The following ARHGEF6 variants were observed in gnomAD, a reference collection of about 807,000 sequenced individuals.
ARHGEF6 encodes Rac/Cdc42 guanine nucleotide exchange factor 6.
In ARHGEF6, 9 loss-of-function variants were observed where a neutral mutation model predicts 70.3. The observed-to-expected ratio is 0.13, with a 90% CI of 0.08 to 0.22. ARHGEF6 has a LOEUF of 0.22. Among genes scored for constraint, ARHGEF6 ranks in the 10% least tolerant of loss-of-function variants. ARHGEF6 has a pLI of 1.00. For missense variants in ARHGEF6, 470 were observed against 563.0 expected, an observed-to-expected ratio of 0.83 and a Z score of 1.67; for synonymous variants, 201 against 207.8, an observed-to-expected ratio of 0.97 and a Z score of 0.28.
chrX:136,700,871 A>G (rs998705883), intron 9 of ARHGEF6, among the ~76,000 whole-genome samples: 4 of 112,551 alleles, frequency 3.6e-5, no homozygotes, highest in African/African-American at 1.3e-4. Context: ...AAAGGTTCTA[A>G]CAGATAAAGA....
intron 6 of ARHGEF6, among the ~76,000 whole-genome samples, chrX:136,721,372 C>T (rs1055556003): frequency 6.3e-5 from 7 of 111,024 alleles, no homozygotes; most frequent in East Asian, 2.8e-4. Flanking sequence ...AGACCAGCCT[C>T]GGCAACATGG....
intron 6 of ARHGEF6, among the ~76,000 whole-genome samples, chrX:136,724,003 G>A (rs1361066965): frequency 1.8e-5 from 2 of 110,337 alleles, no homozygotes; most frequent in African/African-American, 6.6e-5. Context: ...AAAAGGATAG[G>A]GCCCTTTTAT....
chrX:136,773,034 C>T (rs1036778445), intron 2 of ARHGEF6, among the ~76,000 whole-genome samples: 17 of 111,405 alleles, frequency 1.5e-4, no homozygotes, highest in African/African-American at 5.6e-4. Context: ...CATATGAGAA[C>T]ACACAGATGG....
intron 2 of ARHGEF6, among the ~76,000 whole-genome samples, chrX:136,753,822 G>C (rs1364024707): frequency 8.9e-6 from 1 of 111,963 alleles, no homozygotes; most frequent in Non-Finnish European, 1.9e-5. Context: ...TTTTCAAAAT[G>C]TCATTTTTAA....
At position 136,780,769 on chromosome X, in the gene ARHGEF6, C is replaced by A. The variant is rs1400208560; in HGVS notation, c.114G>T (p.Gly38=). The A allele has an allele frequency of 8.3e-7, 1 of 1,211,006 alleles. No individual in the cohort carries two copies. The highest frequency in any genetic ancestry group is 2.2e-5 in the Admixed American group (1 of 45,932). ...TGTTGATCAGTTTGCACAGAACTAC[C>A]CCATTTTTCAGCGAGGACTTTAAAA... ...EEFLKSSLKN[G]VVLCKLINRL... is the part of the protein sequence containing the mutation. Residue 38 remains glycine, a synonymous_variant, in exon 1 of 22, where the codon GGG becomes GGT. Coordinates refer to ENST00000250617, the MANE Select transcript of ARHGEF6 (RefSeq NM_004840.3).
intron 19 of ARHGEF6, among the ~76,000 whole-genome samples, chrX:136,672,415 C>A (rs745809699): frequency 9.0e-6 from 1 of 111,637 alleles, no homozygotes; most frequent in African/African-American, 3.3e-5. Context: ...GACCTCCATT[C>A]TTTCCTGTTT....
rs558011252 is a variant in ARHGEF6 at position 136,669,455 on chromosome X, C to T, written c.2190+27G>A. On this transcript the variant is annotated intron_variant, in intron 21 of 21. Coordinates refer to ENST00000250617, the MANE Select transcript of ARHGEF6 (RefSeq NM_004840.3). Reference sequence around the variant, plus strand: ...AGAAAAAGAGAATGGTTCTATTACCCGAGAAAATGATTTTATATTTTATTA... The same window carrying T: ...AGAAAAAGAGAATGGTTCTATTACCTGAGAAAATGATTTTATATTTTATTA... The T allele has an allele frequency of 1.5e-5, 18 of 1,190,127 alleles. No homozygotes were observed. The South Asian group carries it at 2.1e-4, about 14-fold the overall frequency.
intron 20 of ARHGEF6, 44 bp from the exon 21 acceptor site, chrX:136,669,580 A>C (rs1272062509): frequency 9.5e-7 from 1 of 1,055,669 alleles, no homozygotes; most frequent in Admixed American, 2.2e-5. Context: ...GCTTGCACTG[A>C]GGTACTGTTA....
intron 6 of ARHGEF6, among the ~76,000 whole-genome samples, chrX:136,715,382 T>G (rs1366597576): frequency 9.0e-6 from 1 of 110,869 alleles, no homozygotes; most frequent in Admixed American, 9.6e-5. Flanking sequence ...ATGCCTATTT[T>G]AAAAAAGAAA....
chrX:136,739,779 T>G (rs2077024157), intron 5 of ARHGEF6, among the ~76,000 whole-genome samples: 2 of 111,031 alleles, frequency 1.8e-5, no homozygotes, highest in Non-Finnish European at 3.8e-5. Flanking sequence ...GCTGTGCTGA[T>G]AGCTGGAGAA....
At chrX:136,767,098 T>G in intron 2 of ARHGEF6, 44 of 683,121 alleles carry the variant, frequency 6.4e-5, no homozygotes, top group Non-Finnish European at 6.4e-5. Flanking sequence ...CCCCGGGCCC[T>G]CGCGCGCTCC....
rs771588807 is a variant in ARHGEF6 at position 136,780,914 on chromosome X, TG to T, written c.-33del. On this transcript the variant is annotated 5_prime_UTR_variant, in exon 1 of 22. Transcript: ENST00000250617. ...GGACGGTACACTCCAAACAGCACTC[TG>T]GGGCAGCTGCAAGGACTAAGCCACA... 2 of 1,210,903 alleles carry T rather than the reference TG, an allele frequency of 1.7e-6. No individual in the cohort carries two copies. Among genetic ancestry groups the T allele is most frequent in the Non-Finnish European group, 2.2e-6 (2 of 895,214 alleles).
chrX:136,747,678 T>G, intron 2 of ARHGEF6, 86 bp from the exon 3 acceptor site: 1 of 166,725 alleles, frequency 6.0e-6, no homozygotes, highest in Non-Finnish European at 1.0e-5. Context: ...TTCCTCCAGC[T>G]CTCCGGAAAA....
intron 18 of ARHGEF6, among the ~76,000 whole-genome samples, chrX:136,675,670 C>T (rs1436291899): frequency 3.6e-5 from 4 of 110,088 alleles, no homozygotes; most frequent in Non-Finnish European, 7.6e-5. Flanking sequence ...CACCCGCCAC[C>T]ACACCCGGCT....
chrX:136,695,921 G>C (rs769419809), intron 9 of ARHGEF6, among the ~76,000 whole-genome samples: 2 of 111,862 alleles, frequency 1.8e-5, no homozygotes, highest in African/African-American at 6.5e-5. Context: ...TCTGTTCTTT[G>C]TATGCTTGAA....
At chrX:136,683,019 C>T (rs185724006) in intron 12 of ARHGEF6, among the ~76,000 whole-genome samples, 175 bp from the exon 13 acceptor site, 1 of 111,373 alleles carries the variant, frequency 9.0e-6, no homozygotes, top group East Asian at 2.8e-4. Flanking sequence ...TTGAATTTTA[C>T]TTTGACATGG....
intron 21 of ARHGEF6, 113 bp downstream of exon 21, chrX:136,669,369 A>G (rs2076198709): frequency 2.9e-6 from 2 of 679,520 alleles, no homozygotes; most frequent in African/African-American, 4.3e-5. Context: ...AAGGAAAACA[A>G]AAATCCCCCC....
intron 6 of ARHGEF6, among the ~76,000 whole-genome samples, chrX:136,730,783 G>A (rs372120586): frequency 2.7e-5 from 3 of 111,384 alleles, no homozygotes; most frequent in African/African-American, 9.8e-5. Context: ...TCCAGAGTTC[G>A]ACCATTATAT....
At chrX:136,724,552 G>A (rs1467253142) in intron 6 of ARHGEF6, among the ~76,000 whole-genome samples, 1 of 111,581 alleles carries the variant, frequency 9.0e-6, no homozygotes. Context: ...GTGCAGTGGT[G>A]CTATCTTGGC....
Sources: gnomAD v4.1 joint callset for allele counts (sites outside exome capture counted in the v4.1 genomes callset) on GRCh38, gnomAD v4.1.1 for gene constraint, MANE v1.5 for transcripts, NCBI Gene and HGNC (gene_info 2026-07-23, HGNC 2026-07-21) for gene names.